The following DLGAP2 variants were observed in gnomAD, a reference collection of about 807,000 sequenced individuals.
DLGAP2 encodes the protein disks large-associated protein 2.
A neutral mutation model predicts 100.3 loss-of-function variants in DLGAP2; 26 were observed. That is an observed-to-expected ratio of 0.26 (90% confidence interval 0.19 to 0.36). The LOEUF (loss-of-function observed/expected upper bound fraction) is 0.36. Among genes scored for constraint, DLGAP2 ranks in the 10% least tolerant of loss-of-function variants. The pLI is 1.00. For missense variants in DLGAP2, 1,858 were observed against 1,453.2 expected (o/e 1.28, Z -4.53); for synonymous variants, 886 against 630.1 (o/e 1.41, Z -6.08).
At chr8:1,470,799 T>C (rs367839721) in intron 3 of DLGAP2, among the ~76,000 whole-genome samples, 11,533 of 45,482 alleles carry the variant, frequency 0.25, 3,583 homozygotes, top group Non-Finnish European at 0.35. Context: ...TCCCGACCCC[T>C]CCAGCCTTTC....
intron 3 of DLGAP2, among the ~76,000 whole-genome samples, chr8:1,491,341 G>A (rs75071088): frequency 5.4e-5 from 8 of 147,754 alleles, no homozygotes; most frequent in Non-Finnish European, 1.1e-4. Context: ...TCCTGACCCC[G>A]GAGGCTTCGG....
At chr8:1,631,767 G>A (rs534014085) in intron 7 of DLGAP2, among the ~76,000 whole-genome samples, 6 of 152,326 alleles carry the variant, frequency 3.9e-5, no homozygotes, top group South Asian at 2.1e-4. Flanking sequence ...GAAAGAGGCC[G>A]TCCTTCCAGC....
At chr8:1,206,184 A>T (rs1291726631) in intron 2 of DLGAP2, among the ~76,000 whole-genome samples, 1 of 152,176 alleles carries the variant, frequency 6.6e-6, no homozygotes, top group East Asian at 1.9e-4. Flanking sequence ...AAGGGTAGGT[A>T]CAAGTGCCAG....
At chr8:1,422,982 T>C (rs898282565) in intron 3 of DLGAP2, among the ~76,000 whole-genome samples, 23 of 152,236 alleles carry the variant, frequency 1.5e-4, no homozygotes, top group African/African-American at 5.5e-4. Context: ...GCAGGTGGCC[T>C]GGTATATGTG....
chr8:1,004,859 A>T (rs1801060972), intron 2 of DLGAP2, among the ~76,000 whole-genome samples: 1 of 152,140 alleles, frequency 6.6e-6, no homozygotes, highest in South Asian at 2.1e-4. Context: ...TTGTATCCTC[A>T]ACTGTAGCAA....
At chr8:1,412,489 G>T (rs745902516) in intron 3 of DLGAP2, among the ~76,000 whole-genome samples, 1 of 152,208 alleles carries the variant, frequency 6.6e-6, no homozygotes, top group Non-Finnish European at 1.5e-5. Flanking sequence ...TCCCACTGCT[G>T]CTACTTGACC....
chr8:1,494,722 C>T (rs1799493889), intron 3 of DLGAP2, among the ~76,000 whole-genome samples: 1 of 151,478 alleles, frequency 6.6e-6, no homozygotes, highest in Non-Finnish European at 1.5e-5. Context: ...ACCCAGACTC[C>T]ATCTAAAAAA....
intron 3 of DLGAP2, among the ~76,000 whole-genome samples, chr8:1,351,785 CTGTG>C (rs1801733563): frequency 2.2e-5 from 1 of 44,898 alleles, no homozygotes; most frequent in African/African-American, 5.8e-5. Flanking sequence ...CGGGTCCTGA[CTGTG>C]TGTGGAAAGG....
chr8:1,545,825 C>A (rs751190597), intron 4 of DLGAP2, among the ~76,000 whole-genome samples: 1 of 152,144 alleles, frequency 6.6e-6, no homozygotes, highest in African/African-American at 2.4e-5. Context: ...TTATGCCATT[C>A]TTTTATGAAG....
intron 2 of DLGAP2, among the ~76,000 whole-genome samples, chr8:1,192,704 G>C (rs1797665911): frequency 6.6e-6 from 1 of 151,142 alleles, no homozygotes; most frequent in African/African-American, 2.4e-5. Flanking sequence ...TAAGTTTTAG[G>C]GTACGTGTGC....
intron 3 of DLGAP2, among the ~76,000 whole-genome samples, chr8:1,456,670 G>C (rs372677283): frequency 1.3e-5 from 2 of 151,690 alleles, no homozygotes; most frequent in African/African-American, 4.9e-5. Context: ...AAATGAGACC[G>C]ATTGTTGAAG....
intron 2 of DLGAP2, among the ~76,000 whole-genome samples, chr8:1,198,946 G>C (rs1797811519): frequency 6.6e-6 from 1 of 152,256 alleles, no homozygotes; most frequent in African/African-American, 2.4e-5. Context: ...CAGGCAGACT[G>C]TGCTTGGCAA....
At chr8:1,207,072 T>G (rs1255442931) in intron 2 of DLGAP2, among the ~76,000 whole-genome samples, 5 of 152,212 alleles carry the variant, frequency 3.3e-5, no homozygotes, top group African/African-American at 1.2e-4. Flanking sequence ...TTCACAGTGT[T>G]ACCTAAATCT....
intron 4 of DLGAP2, among the ~76,000 whole-genome samples, chr8:1,509,270 G>T (rs1441679149): frequency 1.3e-5 from 2 of 150,636 alleles, no homozygotes; most frequent in African/African-American, 2.5e-5. Context: ...GGCAGAGATT[G>T]CAGTGAGCTG....
At chr8:788,547 G>T (rs1408450321) in intron 1 of DLGAP2, among the ~76,000 whole-genome samples, 1 of 152,188 alleles carries the variant, frequency 6.6e-6, no homozygotes, top group Non-Finnish European at 1.5e-5. Context: ...CCTTAGATAA[G>T]ATAGTAGCCA....
intron 12 of DLGAP2, among the ~76,000 whole-genome samples, chr8:1,690,060 C>A (rs980082811): frequency 6.6e-6 from 1 of 152,146 alleles, no homozygotes; most frequent in African/African-American, 2.4e-5. Context: ...ACAGCAGACT[C>A]AAGAGAGGGT....
chr8:922,668 T>C (rs1798739968), intron 2 of DLGAP2, among the ~76,000 whole-genome samples: 1 of 152,232 alleles, frequency 6.6e-6, no homozygotes, highest in South Asian at 2.1e-4. Context: ...AGTTTTACTA[T>C]GTATTTTAAT....
chr8:1,366,931 A>C (rs752371773), intron 3 of DLGAP2, among the ~76,000 whole-genome samples: 1 of 152,078 alleles, frequency 6.6e-6, no homozygotes, highest in Non-Finnish European at 1.5e-5. Context: ...CCGGTAAATA[A>C]CACTGTTAGC....
rs71190752 is a variant in DLGAP2 at position 1,690,703 on chromosome 8, C to CAAAAAAAA, written c.2705-813_2705-806dup. On this transcript the variant is annotated intron_variant, in intron 12 of 14. Transcript: ENST00000637795. ...TGGGCGATAAAGGGAGACCCTATCT[C>CAAAAAAAA]AAAAAAAAAAAAAAAAAAAAAAAAA... Among the ~76,000 whole-genome samples the CAAAAAAAA allele has an allele frequency of 5.7e-3, 351 of 62,022 alleles. 6 individuals carry two copies. The highest frequency in any genetic ancestry group is 0.016 in the East Asian group (31 of 1,948). The allele number at this position is 62,022 out of a possible 152,430, so 40.7% of individuals were successfully genotyped here.
Sources: allele counts gnomAD v4.1 joint callset (sites outside exome capture counted in the v4.1 genomes callset), GRCh38; gene constraint gnomAD v4.1.1; transcripts MANE v1.5; gene names NCBI Gene and HGNC (gene_info 2026-07-23, HGNC 2026-07-21).